Variants in PSTK observed in about 807,000 individuals in gnomAD.
PSTK encodes the protein phosphoseryl-tRNA kinase.
PSTK carries 26 observed loss-of-function variants against 38.6 expected under a neutral mutation model. The ratio of observed to expected loss-of-function variants is 0.67; its 90% CI spans 0.49 to 0.94. PSTK has a LOEUF of 0.94. PSTK is among the 40% of genes least tolerant of loss of function. The probability of loss-of-function intolerance (pLI) is 0.00; values close to 1 mark genes in which losing one functional copy is unlikely to be tolerated. For synonymous variants in PSTK, 181 were observed against 161.7 expected (o/e 1.12, Z -0.91); for missense variants, 445 against 436.3 (o/e 1.02, Z -0.18).
At position 122,986,917 on chromosome 10, in the gene PSTK, C is replaced by G. The variant is rs141800550; in HGVS notation, c.832C>G (p.Gln278Glu). 2 of 1,612,590 alleles carry G rather than the reference C, an allele frequency of 1.2e-6. No individual in the cohort carries two copies. The highest frequency in any genetic ancestry group is 2.2e-5 in the East Asian group (1 of 44,870). ...CSTNILHKTDQTLRRIVSQTM... is the reference protein window; with the variant it reads ...CSTNILHKTDETLRRIVSQTM... Reference sequence around the variant, plus strand: ...AACTAACATTCTTCATAAAACTGATCAGACACTCCGAAGGATTGTATCTCA... The same window carrying G: ...AACTAACATTCTTCATAAAACTGATGAGACACTCCGAAGGATTGTATCTCA... The change falls in exon 5 of 6, where the codon CAG becomes GAG. Residue 278 changes from glutamine (Q) to glutamate (E), a missense_variant. Coordinates refer to ENST00000406217, the MANE Select transcript of PSTK (RefSeq NM_001363531.2).
chr10:122,986,247 A>AAT, intron 3 of PSTK, 53 bp from the exon 4 acceptor site: 3 of 1,091,500 alleles, frequency 2.7e-6, no homozygotes, highest in Non-Finnish European at 3.9e-6. Context: ...AAAAAAAAAA[A>AAT]GTCAGATGTT....
intron 5 of PSTK, among the ~76,000 whole-genome samples, chr10:122,988,967 A>ATT (rs1189776868): frequency 6.6e-6 from 1 of 152,176 alleles, no homozygotes; most frequent in Non-Finnish European, 1.5e-5. Flanking sequence ...GACCAACAAA[A>ATT]TTTGGTGTAT....
At chr10:122,986,037 G>A (rs1053487848) in intron 3 of PSTK, 17 of 203,244 alleles carry the variant, frequency 8.4e-5, no homozygotes, top group African/African-American at 4.0e-4. Context: ...TGGCTAACAC[G>A]GTGAAACCCC....
Position 122,980,515 on chromosome 10 carries a change from C to T in PSTK, c.36C>T (p.Ser12=). 2 of 1,608,362 alleles carry T rather than the reference C, an allele frequency of 1.2e-6. No individual in the cohort carries two copies. Among genetic ancestry groups the T allele is most frequent in the Non-Finnish European group, 8.5e-7 (1 of 1,179,180 alleles). The change falls in exon 1 of 6, where the codon AGC becomes AGT. Residue 12 remains serine, a synonymous_variant. Transcript: ENST00000406217. This position sits in a 1 kb window ranked among gnomAD's most constrained non-coding sequence, Gnocchi z 4.3. ...CCGAGAACATCAGAGGAACCGGCAG[C>T]GACGGGCCGCGGAAACGAGGCCTCT... ...KTAENIRGTG[S]DGPRKRGLCV...
chr10:122,987,438 A>G, intron 5 of PSTK: 1 of 1,614,252 alleles, frequency 6.2e-7, no homozygotes, highest in Non-Finnish European at 8.5e-7. Flanking sequence ...CATCAAGTGC[A>G]GAAGCGCAAA....
rs1258563011 is a variant in PSTK at position 122,990,295 on chromosome 10, T to C, written c.999T>C (p.Ile333=). The C allele has an allele frequency of 1.0e-5, 16 of 1,534,370 alleles. No individual in the cohort carries two copies. The highest frequency in any genetic ancestry group is 1.4e-5 in the African/African-American group (1 of 72,074). ...AATATCTGTGCTTTCAGCAAACCAT[T>C]GACATACCAGATGTCATTTCTTTTT... ...NKKYLCFQQT[I]DIPDVISFFH... is the part of the protein sequence containing the mutation. Residue 333 remains isoleucine, a synonymous_variant, in exon 6 of 6, where the codon ATT becomes ATC. Transcript: ENST00000406217.
chr10:122,987,785 A>G (rs1315421589), intron 5 of PSTK, among the ~76,000 whole-genome samples: 1 of 152,222 alleles, frequency 6.6e-6, no homozygotes, highest in Non-Finnish European at 1.5e-5. Flanking sequence ...GTGTAATTTT[A>G]CAAATGGGGA....
chr10:122,988,566 T>C (rs574415921), intron 5 of PSTK, among the ~76,000 whole-genome samples: 8 of 152,188 alleles, frequency 5.3e-5, no homozygotes, highest in Non-Finnish European at 8.8e-5. Context: ...ATCCAAAATA[T>C]ATAAAGAACT....
Position 122,980,665 on chromosome 10 carries a change from G to A in PSTK, c.186G>A (p.Ala62=). ...CGTATGATGACGTCATGCCCGACGC[G>A]TTTCTCGCCGGGGCAAGAGCGCGAC... ...VVAYDDVMPD[A]FLAGARARPA... is the part of the protein sequence containing the mutation. Residue 62 remains alanine, a synonymous_variant, in exon 1 of 6, where the codon GCG becomes GCA. Coordinates refer to ENST00000406217, the MANE Select transcript of PSTK (RefSeq NM_001363531.2). The surrounding 1 kb of genome is among the most constrained non-coding windows in gnomAD (Gnocchi z 4.3). The A allele has an allele frequency of 9.4e-6, 15 of 1,592,432 alleles. No individual in the cohort carries two copies. Among genetic ancestry groups the A allele is most frequent in the Non-Finnish European group, 1.3e-5 (15 of 1,171,056 alleles).
Position 122,980,638 on chromosome 10 carries a change from C to G in PSTK, c.159C>G (p.Val53=). ...QQEQGWAIGV[V]AYDDVMPDAF... ...AGCAGGGTTGGGCCATCGGTGTTGT[C>G]GCGTATGATGACGTCATGCCCGACG... Residue 53 remains valine (V), a synonymous_variant, in exon 1 of 6, where the codon GTC becomes GTG. Transcript: ENST00000406217. The surrounding 1 kb of genome is among the most constrained non-coding windows in gnomAD (Gnocchi z 4.3). 6.2e-7 allele frequency: 1 copy of G among 1,610,456 alleles called. No homozygotes were observed. The highest frequency in any genetic ancestry group is 8.5e-7 in the Non-Finnish European group (1 of 1,178,738).
intron 5 of PSTK, 37 bp from the exon 6 acceptor site, chr10:122,990,137 T>C: frequency 7.1e-7 from 1 of 1,402,822 alleles, no homozygotes; most frequent in Non-Finnish European, 9.6e-7. Context: ...ATTACTTTAA[T>C]TTACACCAGT....
At chr10:122,989,408 T>C (rs1849088735) in intron 5 of PSTK, among the ~76,000 whole-genome samples, 1 of 152,014 alleles carries the variant, frequency 6.6e-6, no homozygotes, top group Admixed American at 6.6e-5. Context: ...TGTGCCACCA[T>C]GCCCCGCTAA....
Position 122,980,671 on chromosome 10 carries a change from C to G in PSTK, c.192C>G (p.Leu64=). 2 of 1,574,308 alleles carry G rather than the reference C, an allele frequency of 1.3e-6. No individual in the cohort carries two copies. Among genetic ancestry groups the G allele is most frequent in the Non-Finnish European group, 1.7e-6 (2 of 1,161,236 alleles). ...ATGACGTCATGCCCGACGCGTTTCT[C>G]GCCGGGGCAAGAGCGCGACCGGCGG... ...AYDDVMPDAF[L]AGARARPAPS... is the part of the protein sequence containing the mutation. Residue 64 remains leucine, a synonymous_variant, in exon 1 of 6, where the codon CTC becomes CTG. Transcript: ENST00000406217. This position sits in a 1 kb window ranked among gnomAD's most constrained non-coding sequence, Gnocchi z 4.3.
At position 122,986,385 on chromosome 10, in the gene PSTK, C is replaced by T. The variant is rs1849033801; in HGVS notation, c.783+10C>T. ...CAATATGGAACAAAAGGTAAACTTCCAGTGTAAATTTAATGTAAATGAGAA... is the reference window on the plus strand; with the variant it reads ...CAATATGGAACAAAAGGTAAACTTCTAGTGTAAATTTAATGTAAATGAGAA... On this transcript the variant is annotated intron_variant, in intron 4 of 5. Coordinates refer to ENST00000406217, the MANE Select transcript of PSTK (RefSeq NM_001363531.2). 6.3e-7 allele frequency: 1 copy of T among 1,579,832 alleles called. No homozygotes were observed. The highest frequency in any genetic ancestry group is 2.2e-5 in the East Asian group (1 of 44,718).
chr10:122,984,301 T>C (rs976564385), intron 3 of PSTK: 1 of 152,174 alleles, frequency 6.6e-6, no homozygotes, highest in African/African-American at 2.4e-5. Flanking sequence ...CAGCTAATTT[T>C]TTAATTTGTT....
intron 5 of PSTK, chr10:122,987,530 G>C: frequency 6.2e-7 from 1 of 1,610,038 alleles, no homozygotes; most frequent in Non-Finnish European, 8.5e-7. Context: ...AGGTAGTCAG[G>C]GGCCAGGTGT....
chr10:122,984,986 C>T (rs1849015954), intron 3 of PSTK: 1 of 152,236 alleles, frequency 6.6e-6, no homozygotes, highest in South Asian at 2.1e-4. Context: ...GCACTCACTC[C>T]AGAACCTGGG....
chr10:122,987,062 G>A, intron 5 of PSTK, 100 bp downstream of exon 5: 1 of 925,972 alleles, frequency 1.1e-6, no homozygotes, highest in East Asian at 2.5e-5. Context: ...AGTCATAAAA[G>A]TTCACATCAT....
In PSTK at chr10:122,983,274, TCGTTGGGCTTTTGCCAG is replaced by T; in HGVS notation, c.513_529del (p.Gly173PhefsTer6). The T allele has an allele frequency of 6.2e-7, 1 of 1,604,656 alleles. No individual in the cohort carries two copies. The highest frequency in any genetic ancestry group is 8.5e-7 in the Non-Finnish European group (1 of 1,176,490). On this transcript the variant is annotated frameshift_variant, in exon 3 of 6. Transcript: ENST00000406217. LOFTEE classifies it high-confidence loss of function. The stretch of plus-strand genomic sequence containing the variant: ...CTATCATTTTAAACTGTTTTCAGAT[TCGTTGGGCTTTTGCCAG>T]CTCTTTTTAGATTGTCCTCTTGAGA...
Sources: allele counts gnomAD v4.1 joint callset (sites outside exome capture counted in the v4.1 genomes callset), GRCh38; gene constraint gnomAD v4.1.1; non-coding constraint Gnocchi (gnomAD v3.1); transcripts MANE v1.5; gene names NCBI Gene and HGNC (gene_info 2026-07-23, HGNC 2026-07-21).